Variants in NAPG observed in about 807,000 individuals in gnomAD.
The protein encoded by NAPG is gamma-soluble NSF attachment protein.
In NAPG, 25 loss-of-function variants were observed where a neutral mutation model predicts 48.4. The ratio of observed to expected loss-of-function variants is 0.52; its 90% CI spans 0.38 to 0.72. NAPG has a LOEUF of 0.72. Among genes scored for constraint, NAPG ranks in the 30% least tolerant of loss-of-function variants. The pLI, the probability that NAPG is intolerant of heterozygous loss-of-function variation, is 0.00. For synonymous variants in NAPG, 139 were observed against 127.2 expected, an observed-to-expected ratio of 1.09 and a Z score of -0.62; for missense variants, 359 against 372.5, an observed-to-expected ratio of 0.96 and a Z score of 0.30.
chr18:10,530,106 T>C lies in NAPG; in HGVS notation c.57-664T>C, dbSNP rs564576743. Among the ~76,000 whole-genome samples, 18 of 151,924 alleles carry C rather than the reference T, an allele frequency of 1.2e-4. No homozygotes were observed. The South Asian group carries it at 2.9e-3, about 25-fold the overall frequency. ...TTGGCATCCAAGAAGCCAGTAGTGA[T>C]CCTAGAAAGCAGTTTCTCTTGGCTT... On this transcript the variant is annotated intron_variant, in intron 1 of 11. Coordinates refer to ENST00000322897, the MANE Select transcript of NAPG (RefSeq NM_003826.3).
At chr18:10,536,956 G>GT (rs374078930) in intron 5 of NAPG, among the ~76,000 whole-genome samples, 7,413 of 142,262 alleles carry the variant, frequency 0.052, 607 homozygotes, top group African/African-American at 0.16. Context: ...CTAATAGCCT[G>GT]TTTTTGTTTT....
chr18:10,539,385 A>G lies in NAPG; in HGVS notation c.259-377A>G, dbSNP rs1598410953. The G allele has an allele frequency of 5.2e-6, 1 of 193,786 alleles. No individual in the cohort carries two copies. The highest frequency in any genetic ancestry group is 1.0e-4 in the South Asian group (1 of 9,934). 12.0% of individuals were successfully genotyped at this position (193,786 alleles called of 1,614,324 possible). On this transcript the variant is annotated intron_variant, in intron 5 of 11. Transcript: ENST00000322897. The surrounding 1 kb of genome is among the most constrained non-coding windows in gnomAD (Gnocchi z 4.7). Reference sequence around the variant, plus strand: ...GACATGGATGAAGCTGGAAGCCATCATTCTTGGCAAACTAACAAACACAGG... The same window carrying G: ...GACATGGATGAAGCTGGAAGCCATCGTTCTTGGCAAACTAACAAACACAGG...
intron 1 of NAPG, among the ~76,000 whole-genome samples, chr18:10,529,551 C>G (rs1410120689): frequency 6.6e-6 from 1 of 152,084 alleles, no homozygotes; most frequent in Non-Finnish European, 1.5e-5. Context: ...GCCAGGAGTT[C>G]GAGACCACCT....
chr18:10,549,423 ACT>A (rs2032340046), intron 11 of NAPG, among the ~76,000 whole-genome samples: 2 of 152,012 alleles, frequency 1.3e-5, no homozygotes, highest in Non-Finnish European at 2.9e-5. Context: ...TTTTAGACGG[ACT>A]CTCTGAAAGA....
chr18:10,530,393 C>G (rs79284744), intron 1 of NAPG, among the ~76,000 whole-genome samples: 2 of 151,924 alleles, frequency 1.3e-5, no homozygotes, highest in South Asian at 2.1e-4. Context: ...CCTCTGCTGT[C>G]GATACTGTGC....
chr18:10,526,250 GCTC>G, intron 1 of NAPG, 92 bp downstream of exon 1: 1 of 686,664 alleles, frequency 1.5e-6, no homozygotes. Flanking sequence ...GGGAGGGAGG[GCTC>G]AGGGCTGAGG....
Position 10,534,506 on chromosome 18 carries a change from G to A in NAPG, c.258+10G>A. 9 of 1,612,152 alleles carry A rather than the reference G, an allele frequency of 5.6e-6. No homozygotes were observed. The highest frequency in any genetic ancestry group is 1.7e-5 in the Admixed American group (1 of 60,004). On this transcript the variant is annotated intron_variant, in intron 5 of 11. Coordinates refer to ENST00000322897, the MANE Select transcript of NAPG (RefSeq NM_003826.3). The surrounding 1 kb of genome is among the most constrained non-coding windows in gnomAD (Gnocchi z 5.0). Reference sequence around the variant, plus strand: ...TGGAATGATGTTGAAGGTCAGTAATGTTATGTCACAATTGTTGTGTAGGTA... The same window carrying A: ...TGGAATGATGTTGAAGGTCAGTAATATTATGTCACAATTGTTGTGTAGGTA...
Position 10,548,306 on chromosome 18 carries a change from T to C in NAPG, c.593T>C (p.Ile198Thr). 6.2e-7 allele frequency: 1 copy of C among 1,612,124 alleles called. No individual in the cohort carries two copies. Among genetic ancestry groups the C allele is most frequent in the Non-Finnish European group, 8.5e-7 (1 of 1,178,414 alleles). ...ENYPTCYKKT[I>T]AQVLVHLHRN... ...TCCTCTCTTTTGTTTTAGAAAACAATTGCTCAAGTCTTAGTTCATCTACAC... is the reference window on the plus strand; with the variant it reads ...TCCTCTCTTTTGTTTTAGAAAACAACTGCTCAAGTCTTAGTTCATCTACAC... Residue 198 changes from isoleucine to threonine, a missense_variant, in exon 10 of 12, where the codon ATT (isoleucine) becomes ACT (threonine). Coordinates refer to ENST00000322897, the MANE Select transcript of NAPG (RefSeq NM_003826.3). This position sits in a 1 kb window ranked among gnomAD's most constrained non-coding sequence, Gnocchi z 4.4.
At chr18:10,526,246 G>GGGGGGGGTGGT in intron 1 of NAPG, 88 bp downstream of exon 1, 1 of 490,184 alleles carries the variant, frequency 2.0e-6, no homozygotes. Flanking sequence ...GGGCGGGAGG[G>GGGGGGGGTGGT]AGGGCTCAGG....
At chr18:10,535,817 A>G (rs2032020529) in intron 5 of NAPG, among the ~76,000 whole-genome samples, 1 of 152,242 alleles carries the variant, frequency 6.6e-6, no homozygotes, top group Admixed American at 6.5e-5. Flanking sequence ...TCCTTATTAT[A>G]AACTATTATA....
chr18:10,536,428 G>C (rs900602946), intron 5 of NAPG, among the ~76,000 whole-genome samples: 1 of 152,162 alleles, frequency 6.6e-6, no homozygotes, highest in Non-Finnish European at 1.5e-5. Context: ...ATATGCACAA[G>C]GGAAGCCACA....
intron 4 of NAPG, 81 bp downstream of exon 4, chr18:10,533,634 C>A: frequency 8.3e-7 from 1 of 1,204,580 alleles, no homozygotes; most frequent in South Asian, 1.5e-5. Context: ...TAATTTTTTC[C>A]CAAATTATAA....
rs566489664 is a variant in NAPG, at chr18:10,526,035, G to C, written c.-68G>C. The C allele has an allele frequency of 1.1e-5, 16 of 1,497,514 alleles. No individual in the cohort carries two copies. In the South Asian group the frequency reaches 1.8e-4, roughly 17 times the overall value. The allele number at this position is 1,497,514 out of a possible 1,614,324, so 92.8% of individuals were successfully genotyped here. On this transcript the variant is annotated 5_prime_UTR_variant, in exon 1 of 12. Transcript: ENST00000322897. ...CCTCGGCGTTCCCACGCCTATTTGG[G>C]CGGATTCTTGGCGCCGGAGGAAGAG... is the stretch of plus-strand genomic sequence containing the variant.
rs959984369 is a variant in NAPG, at chr18:10,534,813, A to T, written c.258+317A>T. ...GGAAGTTTCTCTACTTTTGAGAAGG[A>T]CATCTAAATGTAGTAAAATTTTATA... On this transcript the variant is annotated intron_variant, in intron 5 of 11. Transcript: ENST00000322897. The surrounding 1 kb of genome is among the most constrained non-coding windows in gnomAD (Gnocchi z 5.0). Among the ~76,000 whole-genome samples the T allele has an allele frequency of 3.3e-5, 5 of 152,256 alleles. No individual in the cohort carries two copies. Among genetic ancestry groups the T allele is most frequent in the African/African-American group, 1.2e-4 (5 of 41,468 alleles).
At position 10,543,067 on chromosome 18, in the gene NAPG, C is replaced by T. The variant is rs1295773706; in HGVS notation, c.506+2668C>T. 6.6e-6 allele frequency among the ~76,000 whole-genome samples: 1 copy of T among 151,354 alleles called. No individual in the cohort carries two copies. Among genetic ancestry groups the T allele is most frequent in the Non-Finnish European group, 1.5e-5 (1 of 67,852 alleles). ...GGTGTGATGACGCACACCTATAATC[C>T]CAGCTACTCGGGAGGCTGGAGAATC... On this transcript the variant is annotated intron_variant, in intron 8 of 11. Transcript: ENST00000322897. This position sits in a 1 kb window ranked among gnomAD's most constrained non-coding sequence, Gnocchi z 4.4.
chr18:10,548,891 A>G lies in NAPG; in HGVS notation c.666-76A>G, dbSNP rs940231976. 1.1e-5 allele frequency: 17 copies of G among 1,531,372 alleles called. No individual in the cohort carries two copies. The highest frequency in any genetic ancestry group is 1.4e-5 in the African/African-American group (1 of 73,088). The allele number at this position is 1,531,372 out of a possible 1,614,324, so 94.9% of individuals were successfully genotyped here. A position where few individuals can be genotyped will look rare whatever the true frequency, so the allele number is the denominator to read the frequency against. On this transcript the variant is annotated intron_variant, in intron 10 of 11. Coordinates refer to ENST00000322897, the MANE Select transcript of NAPG (RefSeq NM_003826.3). The surrounding 1 kb of genome is among the most constrained non-coding windows in gnomAD (Gnocchi z 4.4). ...ATGTCTCCAGACAGTGTCACATGCC[A>G]GGGGCAGAATCATCCCTGCCTGAGA...
At chr18:10,527,021 T>A (rs1160652160) in intron 1 of NAPG, among the ~76,000 whole-genome samples, 2 of 151,616 alleles carry the variant, frequency 1.3e-5, no homozygotes, top group African/African-American at 4.9e-5. Flanking sequence ...AAACCGTCTC[T>A]ACTAAAAATA....
chr18:10,549,576 G>A lies in NAPG; in HGVS notation c.795+480G>A, dbSNP rs142177226. On this transcript the variant is annotated intron_variant, in intron 11 of 11. Coordinates refer to ENST00000322897, the MANE Select transcript of NAPG (RefSeq NM_003826.3). ...TGAAGCCACTAGTACCTGTCTTGCTGGACTGTTGTGAAGAATACATTAGTC... is the reference window on the plus strand; with the variant it reads ...TGAAGCCACTAGTACCTGTCTTGCTAGACTGTTGTGAAGAATACATTAGTC... 1.1e-3 allele frequency among the ~76,000 whole-genome samples: 167 copies of A among 152,328 alleles called. 3 individuals carry two copies. The East Asian group carries it at 0.03, about 27-fold the overall frequency.
Position 10,550,196 on chromosome 18 carries a change from T to C in NAPG, c.915T>C (p.Asp305=). 6.3e-7 allele frequency: 1 copy of C among 1,589,792 alleles called. No individual in the cohort carries two copies. Residue 305 remains aspartate, a synonymous_variant, in exon 12 of 12, where the codon GAT becomes GAC. Transcript: ENST00000322897. ...CCACGGCTGCTGATGAAGAGGAAGA[T>C]GAATACTCAGGAGGACTATGCTAGT... ...VTATAADEEE[D]EYSGGLC is the part of the protein sequence containing the mutation.
Sources: allele counts gnomAD v4.1 joint callset (sites outside exome capture counted in the v4.1 genomes callset), GRCh38; gene constraint gnomAD v4.1.1; non-coding constraint Gnocchi (gnomAD v3.1); transcripts MANE v1.5; gene names NCBI Gene and HGNC (gene_info 2026-07-23, HGNC 2026-07-21).